Variants in DGKB observed in about 807,000 individuals in gnomAD.
DGKB encodes the protein 90 kDa diacylglycerol kinase.
Under a neutral mutation model 114.3 loss-of-function variants are expected in DGKB, and 67 were observed. The observed-to-expected ratio is 0.59, with a 90% confidence interval of 0.48 to 0.72. DGKB has a LOEUF of 0.72. Among genes scored for constraint, DGKB ranks in the 30% least tolerant of loss-of-function variants. The pLI, the probability that DGKB is intolerant of heterozygous loss-of-function variation, is 0.00. For missense variants in DGKB, 907 were observed against 975.2 expected (o/e 0.93, Z 0.93); for synonymous variants, 398 against 323.1 (o/e 1.23, Z -2.49).
At chr7:14,848,090 G>C (rs1341048579) in intron 1 of DGKB, among the ~76,000 whole-genome samples, 2 of 152,150 alleles carry the variant, frequency 1.3e-5, no homozygotes, top group East Asian at 3.9e-4. Flanking sequence ...TATATTTTAA[G>C]AAGTCCACTT....
intron 15 of DGKB, among the ~76,000 whole-genome samples, chr7:14,617,514 A>G (rs1253714562): frequency 7.9e-5 from 12 of 151,640 alleles, no homozygotes; most frequent in Admixed American, 4.6e-4. Context: ...ACAGTAATCT[A>G]CTGGACTCTT....
intron 25 of DGKB, among the ~76,000 whole-genome samples, chr7:14,158,648 CA>C (rs111353060): frequency 5.3e-5 from 8 of 152,184 alleles, no homozygotes; most frequent in Admixed American, 5.2e-4. Context: ...AACTTATCCA[CA>C]AAAAAATTGC....
At chr7:14,436,287 T>C (rs974445793) in intron 21 of DGKB, among the ~76,000 whole-genome samples, 4 of 152,190 alleles carry the variant, frequency 2.6e-5, no homozygotes, top group Admixed American at 6.6e-5. Context: ...CCAAAGATTA[T>C]TGTCTATTTA....
At chr7:14,642,518 T>A (rs1221315415) in intron 13 of DGKB, among the ~76,000 whole-genome samples, 1 of 152,156 alleles carries the variant, frequency 6.6e-6, no homozygotes, top group Non-Finnish European at 1.5e-5. Context: ...ATTGTTTAGG[T>A]ACTGTCCAAT....
At chr7:14,524,146 T>C (rs1001099930) in intron 20 of DGKB, among the ~76,000 whole-genome samples, 1 of 152,176 alleles carries the variant, frequency 6.6e-6, no homozygotes, top group Non-Finnish European at 1.5e-5. Flanking sequence ...TATTTTATAT[T>C]TATTGTGTTA....
chr7:14,209,907 T>A (rs948952754), intron 23 of DGKB, among the ~76,000 whole-genome samples: 8 of 148,478 alleles, frequency 5.4e-5, no homozygotes, highest in Middle Eastern at 6.9e-3. Flanking sequence ...TTTTTTTTTT[T>A]AATGTTGAGC....
At chr7:14,687,396 A>G (rs1009893723) in intron 9 of DGKB, among the ~76,000 whole-genome samples, 2 of 152,304 alleles carry the variant, frequency 1.3e-5, no homozygotes, top group African/African-American at 2.4e-5. Flanking sequence ...TTCAGAAAAC[A>G]CAGGTGTTTT....
chr7:14,784,831 T>A (rs1487445539), intron 2 of DGKB, among the ~76,000 whole-genome samples: 1 of 152,250 alleles, frequency 6.6e-6, no homozygotes, highest in Admixed American at 6.5e-5. Flanking sequence ...TGCTGTTTTT[T>A]TTTTTAATGT....
chr7:14,446,575 T>C (rs929669601), intron 21 of DGKB, among the ~76,000 whole-genome samples: 6 of 152,182 alleles, frequency 3.9e-5, no homozygotes, highest in African/African-American at 1.4e-4. Context: ...CATTTTTGAA[T>C]GGTAATGTAC....
intron 2 of DGKB, among the ~76,000 whole-genome samples, chr7:14,759,757 C>T (rs534353298): frequency 6.6e-6 from 1 of 152,250 alleles, no homozygotes. Context: ...TAATTCAATT[C>T]TCTTGGCTAT....
chr7:14,329,534 T>G (rs1287610810), intron 23 of DGKB, among the ~76,000 whole-genome samples: 1 of 151,974 alleles, frequency 6.6e-6, no homozygotes, highest in Non-Finnish European at 1.5e-5. Context: ...TAAGTAACTG[T>G]GACTTCTGTT....
chr7:14,164,173 G>C (rs1784317101), intron 25 of DGKB, among the ~76,000 whole-genome samples: 1 of 152,116 alleles, frequency 6.6e-6, no homozygotes, highest in Non-Finnish European at 1.5e-5. Context: ...ACCTGTTAAA[G>C]CATTTTCTTA....
chr7:14,872,133 T>A (rs997849618), intron 1 of DGKB, among the ~76,000 whole-genome samples: 1 of 152,204 alleles, frequency 6.6e-6, no homozygotes, highest in Non-Finnish European at 1.5e-5. Flanking sequence ...ATAAGTCATC[T>A]CTAGGGTTTA....
chr7:14,469,859 ACT>A (rs1312017053), intron 21 of DGKB, among the ~76,000 whole-genome samples: 4 of 151,928 alleles, frequency 2.6e-5, no homozygotes, highest in South Asian at 2.1e-4. Flanking sequence ...TAAAATGAAA[ACT>A]CTTAGCAAAT....
chr7:14,567,896 A>G (rs890259724), intron 20 of DGKB, among the ~76,000 whole-genome samples: 1 of 151,996 alleles, frequency 6.6e-6, no homozygotes, highest in African/African-American at 2.4e-5. Flanking sequence ...CGTGAGCCAC[A>G]GCACCCAGCC....
intron 1 of DGKB, among the ~76,000 whole-genome samples, chr7:14,854,070 C>G (rs1365844713): frequency 6.6e-6 from 1 of 151,988 alleles, no homozygotes; most frequent in Non-Finnish European, 1.5e-5. Flanking sequence ...ATACTGTTTC[C>G]AAAAGTCTAT....
rs371450071 is a variant in DGKB, at chr7:14,745,001, T to C, written c.169-8807A>G. ...TGCTAATCCTGACATCTGATAGGAGTAAATAGGGTGCCCATAACCCAGAGG... is the reference window on the plus strand; with the variant it reads ...TGCTAATCCTGACATCTGATAGGAGCAAATAGGGTGCCCATAACCCAGAGG... On this transcript the variant is annotated intron_variant, in intron 4 of 25. Coordinates refer to ENST00000402815, the MANE Select transcript of DGKB (RefSeq NM_001350709.2). Among the ~76,000 whole-genome samples, 83 of 152,106 alleles carry C rather than the reference T, an allele frequency of 5.5e-4. 1 individual carries two copies. The South Asian group carries it at 0.016, about 30-fold the overall frequency.
At chr7:14,800,017 A>T (rs1841939142) in intron 2 of DGKB, among the ~76,000 whole-genome samples, 1 of 152,002 alleles carries the variant, frequency 6.6e-6, no homozygotes, top group African/African-American at 2.4e-5. Context: ...CCTGGGTTCA[A>T]GTGATTCTCC....
chr7:14,349,636 T>G (rs1398153529), intron 21 of DGKB, among the ~76,000 whole-genome samples: 3 of 152,174 alleles, frequency 2.0e-5, no homozygotes, highest in Non-Finnish European at 4.4e-5. Flanking sequence ...TACAACCATT[T>G]TATGTTTCAC....
Sources: allele counts gnomAD v4.1 joint callset (sites outside exome capture counted in the v4.1 genomes callset), GRCh38; gene constraint gnomAD v4.1.1; transcripts MANE v1.5; gene names NCBI Gene and HGNC (gene_info 2026-07-23, HGNC 2026-07-21).